Variants in BCKDHB observed in about 807,000 individuals in gnomAD.
The protein encoded by BCKDHB is 2-oxoisovalerate dehydrogenase subunit beta, mitochondrial.
In BCKDHB, 41 loss-of-function variants were observed where a neutral mutation model predicts 48.5. The observed-to-expected ratio is 0.85, with a 90% CI of 0.66 to 1.10. The LOEUF (loss-of-function observed/expected upper bound fraction) is 1.10, where lower values mean the gene tolerates loss of function less well. BCKDHB is among the 50% of genes least tolerant of loss of function. The pLI, the probability that BCKDHB is intolerant of heterozygous loss-of-function variation, is 0.00. For missense variants in BCKDHB, 496 were observed against 494.2 expected (o/e 1.00, Z -0.03); for synonymous variants, 201 against 174.8 (o/e 1.15, Z -1.18).
chr6:80,432,113 G>A, the BCKDHB span, among the ~76,000 whole-genome samples: 58,480 of 151,940 alleles, frequency 0.38, 14,034 homozygotes, highest in Non-Finnish European at 0.54. Flanking sequence ...TTTCTCTCTG[G>A]CTGCCCTTAA....
At chr6:80,367,937 A>G in the BCKDHB span, among the ~76,000 whole-genome samples, 1 of 152,326 alleles carries the variant, frequency 6.6e-6, no homozygotes, top group South Asian at 2.1e-4. Context: ...TTTTTTAAAA[A>G]ATTATAAGAC....
chr6:80,303,093 ACC>A (rs1767667464), intron 9 of BCKDHB, among the ~76,000 whole-genome samples: 1 of 152,124 alleles, frequency 6.6e-6, no homozygotes, highest in Non-Finnish European at 1.5e-5. Context: ...AAAAGTCCTC[ACC>A]TATTACCTGA....
chr6:80,150,709 A>G (rs1292734939), intron 3 of BCKDHB, among the ~76,000 whole-genome samples: 1 of 151,936 alleles, frequency 6.6e-6, no homozygotes, highest in Non-Finnish European at 1.5e-5. Flanking sequence ...GGCGTGCACC[A>G]CCACACACAG....
At chr6:80,367,815 G>A in the BCKDHB span, among the ~76,000 whole-genome samples, 3 of 66,366 alleles carry the variant, frequency 4.5e-5, no homozygotes, top group East Asian at 1.6e-3. Flanking sequence ...TCATATGTGA[G>A]TGGGAAGGCC....
At chr6:80,430,724 G>A in the BCKDHB span, among the ~76,000 whole-genome samples, 1 of 151,932 alleles carries the variant, frequency 6.6e-6, no homozygotes, top group Non-Finnish European at 1.5e-5. Flanking sequence ...TTCTTTATGA[G>A]TCTCGCTAGC....
At chr6:80,395,624 C>G in the BCKDHB span, among the ~76,000 whole-genome samples, 349 of 152,320 alleles carry the variant, frequency 2.3e-3, 2 homozygotes, top group African/African-American at 7.7e-3. Flanking sequence ...GGAAAGAAAA[C>G]CCCATTTCTG....
chr6:80,167,348 T>C (rs1156844639), intron 3 of BCKDHB, among the ~76,000 whole-genome samples: 1 of 152,140 alleles, frequency 6.6e-6, no homozygotes, highest in African/African-American at 2.4e-5. Flanking sequence ...TTTATTTTCA[T>C]TGAAACATTA....
the BCKDHB span, among the ~76,000 whole-genome samples, chr6:80,446,109 T>C: frequency 3.7e-4 from 57 of 152,294 alleles, 1 homozygote; most frequent in Middle Eastern, 3.4e-3. Context: ...TTGGCTGTAA[T>C]TACAACAAAA....
At chr6:80,429,673 G>T in the BCKDHB span, among the ~76,000 whole-genome samples, 1 of 152,146 alleles carries the variant, frequency 6.6e-6, no homozygotes. Flanking sequence ...GGCTCTGTTT[G>T]TCTGTTATTG....
intron 3 of BCKDHB, among the ~76,000 whole-genome samples, chr6:80,145,414 C>G (rs989800470): frequency 6.6e-6 from 1 of 152,118 alleles, no homozygotes; most frequent in East Asian, 1.9e-4. Context: ...GGACTTTCCC[C>G]CAAACCACCT....
chr6:80,163,433 C>G (rs937700211), intron 3 of BCKDHB, among the ~76,000 whole-genome samples: 1 of 151,660 alleles, frequency 6.6e-6, no homozygotes, highest in Non-Finnish European at 1.5e-5. Flanking sequence ...GTTAATCACT[C>G]TTTTCTTGGA....
chr6:80,224,531 T>C (rs1318982995), intron 8 of BCKDHB, among the ~76,000 whole-genome samples: 1 of 152,130 alleles, frequency 6.6e-6, no homozygotes, highest in Admixed American at 6.5e-5. Context: ...TAGCTGGTAC[T>C]ATAGGTGCAC....
intron 1 of BCKDHB, among the ~76,000 whole-genome samples, chr6:80,125,939 A>G (rs1408104823): frequency 6.6e-6 from 1 of 152,198 alleles, no homozygotes; most frequent in Non-Finnish European, 1.5e-5. Context: ...CAAAGTTTCC[A>G]TTTGTAAAAA....
At chr6:80,406,049 C>T in the BCKDHB span, among the ~76,000 whole-genome samples, 1 of 151,908 alleles carries the variant, frequency 6.6e-6, no homozygotes, top group South Asian at 2.1e-4. Flanking sequence ...TTGTTCAATT[C>T]CCACCTATGA....
At chr6:80,211,260 T>C (rs184765136) in intron 8 of BCKDHB, among the ~76,000 whole-genome samples, 1 of 152,218 alleles carries the variant, frequency 6.6e-6, no homozygotes, top group Admixed American at 6.5e-5. Flanking sequence ...TAAATTATGC[T>C]AATTATTAAA....
chr6:80,232,279 CT>C (rs879591084), intron 8 of BCKDHB, among the ~76,000 whole-genome samples: 179 of 145,786 alleles, frequency 1.2e-3, no homozygotes, highest in African/African-American at 1.0e-3. Flanking sequence ...TTCTTTAACC[CT>C]TTTTTTTTTT....
chr6:80,212,686 A>T (rs1007433810), intron 8 of BCKDHB, among the ~76,000 whole-genome samples: 3 of 152,240 alleles, frequency 2.0e-5, no homozygotes, highest in Non-Finnish European at 4.4e-5. Context: ...TTATAAAAGT[A>T]TTATTTGGGA....
At chr6:80,425,033 G>C in the BCKDHB span, among the ~76,000 whole-genome samples, 3 of 152,294 alleles carry the variant, frequency 2.0e-5, no homozygotes, top group South Asian at 6.2e-4. Flanking sequence ...CAAAATTATA[G>C]ATGACTGTCT....
At chr6:80,447,421 A>G in the BCKDHB span, among the ~76,000 whole-genome samples, 6 of 150,538 alleles carry the variant, frequency 4.0e-5, no homozygotes, top group Non-Finnish European at 8.9e-5. Context: ...GAGGTGTACA[A>G]TTTGAAATTC....
Sources: gnomAD v4.1 joint callset for allele counts (sites outside exome capture counted in the v4.1 genomes callset) on GRCh38, gnomAD v4.1.1 for gene constraint, MANE v1.5 for transcripts, NCBI Gene and HGNC (gene_info 2026-07-23, HGNC 2026-07-21) for gene names.